The following SPIDR variants were observed in gnomAD, a reference collection of about 807,000 sequenced individuals.
The protein encoded by SPIDR is scaffold protein involved in DNA repair, also known as DNA repair-scaffolding protein.
In SPIDR, 93 loss-of-function variants were observed where a neutral mutation model predicts 104.6. That is an observed-to-expected ratio of 0.89 (90% CI 0.75 to 1.06). SPIDR has a LOEUF of 1.06. Ranked by LOEUF, SPIDR falls within the 50% of genes least tolerant of loss-of-function variation. The pLI is 0.00. For missense variants in SPIDR, 1,154 were observed against 1,111.2 expected, an observed-to-expected ratio of 1.04 and a Z score of -0.55; for synonymous variants, 431 against 416.9, an observed-to-expected ratio of 1.03 and a Z score of -0.41.
chr8:47,494,181 G>C (rs1279476691), intron 8 of SPIDR, among the ~76,000 whole-genome samples: 1 of 152,036 alleles, frequency 6.6e-6, no homozygotes, highest in East Asian at 1.9e-4. Flanking sequence ...TGGAAATGGG[G>C]GTGTCTATGT....
intron 5 of SPIDR, among the ~76,000 whole-genome samples, chr8:47,325,770 C>G (rs1438478964): frequency 1.3e-5 from 2 of 152,098 alleles, no homozygotes; most frequent in African/African-American, 4.8e-5. Context: ...GCATGGGTGC[C>G]TGATGTCCTG....
At chr8:47,538,943 C>T (rs2087523102) in intron 8 of SPIDR, among the ~76,000 whole-genome samples, 1 of 149,826 alleles carries the variant, frequency 6.7e-6, no homozygotes. Flanking sequence ...TCACTGCAAC[C>T]TCCGCTTCCC....
intron 5 of SPIDR, among the ~76,000 whole-genome samples, chr8:47,316,811 G>T (rs1230619130): frequency 6.6e-6 from 1 of 152,112 alleles, no homozygotes; most frequent in Admixed American, 6.5e-5. Flanking sequence ...TTATCAAATG[G>T]TGTGTCTTTT....
At chr8:47,325,318 T>C (rs1455176757) in intron 5 of SPIDR, among the ~76,000 whole-genome samples, 1 of 152,090 alleles carries the variant, frequency 6.6e-6, no homozygotes, top group Non-Finnish European at 1.5e-5. Context: ...TGCTTAGAGG[T>C]AGTATATTAA....
chr8:47,626,991 A>G (rs1034507707), intron 10 of SPIDR, among the ~76,000 whole-genome samples: 1 of 152,232 alleles, frequency 6.6e-6, no homozygotes, highest in African/African-American at 2.4e-5. Context: ...ACCAACCCAT[A>G]TGTCCAACAG....
intron 8 of SPIDR, among the ~76,000 whole-genome samples, chr8:47,527,040 G>T (rs2085101922): frequency 6.6e-6 from 1 of 152,102 alleles, no homozygotes; most frequent in Non-Finnish European, 1.5e-5. Context: ...ACACTCCAGG[G>T]GGTCCTGTCT....
intron 5 of SPIDR, among the ~76,000 whole-genome samples, chr8:47,313,672 G>A (rs370963885): frequency 1.1e-4 from 16 of 152,260 alleles, no homozygotes; most frequent in East Asian, 1.9e-4. Context: ...ATACTACAAG[G>A]CTACAGTAAC....
At chr8:47,313,766 A>T (rs1261781630) in intron 5 of SPIDR, among the ~76,000 whole-genome samples, 2 of 152,252 alleles carry the variant, frequency 1.3e-5, no homozygotes, top group African/African-American at 4.8e-5. Context: ...CCACATATCT[A>T]CAACCATCTG....
At chr8:47,418,183 GA>G (rs1318190784) in intron 7 of SPIDR, among the ~76,000 whole-genome samples, 1 of 152,142 alleles carries the variant, frequency 6.6e-6, no homozygotes, top group Non-Finnish European at 1.5e-5. Flanking sequence ...GCTTGATGGG[GA>G]TAGCACTGAA....
chr8:47,498,621 A>T (rs1045450186), intron 8 of SPIDR, among the ~76,000 whole-genome samples: 2 of 152,158 alleles, frequency 1.3e-5, no homozygotes, highest in African/African-American at 4.8e-5. Context: ...GGTATATCCT[A>T]GATACTCTGT....
chr8:47,407,894 GA>G lies in SPIDR; in HGVS notation c.812del (p.Asn271IlefsTer29). 6.2e-7 allele frequency: 1 copy of G among 1,604,876 alleles called. No homozygotes were observed. The highest frequency in any genetic ancestry group is 8.5e-7 in the Non-Finnish European group (1 of 1,174,050). ...GLAERLNGLQNRERSAISLWR... is the reference protein window; with the variant it reads ...GLAERLNGLQXRERSAISLWR... ...TAGCAGAAAGACTAAATGGACTGCA[GA>G]ATCGAGAGAGATCTGCTATTTCTTT... On this transcript the variant is annotated frameshift_variant, in exon 7 of 20. Coordinates refer to ENST00000297423, the MANE Select transcript of SPIDR (RefSeq NM_001080394.4). LOFTEE classifies it high-confidence loss of function.
At chr8:47,421,751 T>C (rs2065508512) in intron 7 of SPIDR, among the ~76,000 whole-genome samples, 1 of 152,204 alleles carries the variant, frequency 6.6e-6, no homozygotes, top group Non-Finnish European at 1.5e-5. Context: ...TTATCTACCT[T>C]TGGTCTTTGA....
chr8:47,427,350 C>G (rs1266746187), intron 7 of SPIDR, among the ~76,000 whole-genome samples: 1 of 149,662 alleles, frequency 6.7e-6, no homozygotes, highest in African/African-American at 2.5e-5. Flanking sequence ...AGAAATTTGT[C>G]AAAATCAAAT....
At chr8:47,700,961 T>C (rs911931281) in intron 12 of SPIDR, among the ~76,000 whole-genome samples, 10 of 152,148 alleles carry the variant, frequency 6.6e-5, no homozygotes, top group Non-Finnish European at 1.3e-4. Context: ...TGAGAGTGTC[T>C]CAGAAGCAGC....
intron 10 of SPIDR, among the ~76,000 whole-genome samples, chr8:47,618,297 T>G (rs1300943023): frequency 6.6e-6 from 1 of 152,154 alleles, no homozygotes; most frequent in Non-Finnish European, 1.5e-5. Context: ...ACAGTCCGGC[T>G]ATCATTATTC....
At chr8:47,341,046 A>G (rs917556361) in intron 5 of SPIDR, among the ~76,000 whole-genome samples, 1 of 152,246 alleles carries the variant, frequency 6.6e-6, no homozygotes, top group Admixed American at 6.5e-5. Context: ...CTCTGTAGCC[A>G]GTCAGCTTGG....
intron 1 of SPIDR, among the ~76,000 whole-genome samples, chr8:47,272,301 A>G (rs1268134431): frequency 6.6e-6 from 1 of 152,152 alleles, no homozygotes; most frequent in Admixed American, 6.5e-5. Context: ...CGTTTTAAAT[A>G]GTATGATTTG....
intron 1 of SPIDR, among the ~76,000 whole-genome samples, chr8:47,271,896 ACCTGCCTCAGCCT>A (rs2035402211): frequency 1.3e-5 from 2 of 151,830 alleles, no homozygotes. Flanking sequence ...CAAGCTATTC[ACCTGCCTCAGCCT>A]CCTGCCTCAG....
rs1001453894 is a variant in SPIDR, at chr8:47,706,843, C to T, written c.1977+4828C>T. Among the ~76,000 whole-genome samples the T allele has an allele frequency of 2.0e-5, 3 of 152,178 alleles. No homozygotes were observed. In the East Asian group the frequency reaches 5.8e-4, roughly 29 times the overall value. On this transcript the variant is annotated intron_variant, in intron 14 of 19. Transcript: ENST00000297423. ...GTCTGAAATCTTAGCAGTGGCCAGT[C>T]GCAGTGCCTCACACCTTTAATCTCA...
Sources: allele counts gnomAD v4.1 joint callset (sites outside exome capture counted in the v4.1 genomes callset), GRCh38; gene constraint gnomAD v4.1.1; transcripts MANE v1.5; gene names NCBI Gene and HGNC (gene_info 2026-07-23, HGNC 2026-07-21).